The following GPR22 variants were observed in gnomAD, a reference collection of about 807,000 sequenced individuals.
GPR22 encodes G-protein coupled receptor 22.
GPR22 carries 13 observed loss-of-function variants against 31.0 expected under a neutral mutation model. That is an observed-to-expected ratio of 0.42 (90% CI 0.27 to 0.67). The LOEUF is 0.67. GPR22 is among the 30% of genes least tolerant of loss of function. The pLI is 0.25. For missense variants in GPR22, 368 were observed against 509.6 expected (o/e 0.72, Z 2.67); for synonymous variants, 191 against 173.4 (o/e 1.10, Z -0.80).
chr7:107,474,991 G>C lies in GPR22; in HGVS notation c.931G>C (p.Val311Leu). The C allele has an allele frequency of 6.2e-7, 1 of 1,612,574 alleles. No homozygotes were observed. The highest frequency in any genetic ancestry group is 8.5e-7 in the Non-Finnish European group (1 of 1,179,208). The change falls in exon 3 of 3, where the codon GTC becomes CTC. Residue 311 changes from valine (V) to leucine (L), a missense_variant. By Grantham distance (32) the Val-to-Leu change is conservative. Transcript: ENST00000304402. The surrounding 1 kb of genome is among the most constrained non-coding windows in gnomAD (Gnocchi z 5.7). ...TGAACGACGAGAAAGACAAAAGAGA[G>C]TCTTCAGGATGTCTTTATTGATTAT... Reference protein sequence around the residue: ...HRERRERQKRVFRMSLLIIST... With the variant: ...HRERRERQKRLFRMSLLIIST...
chr7:107,473,706 T>C (rs1049780806), intron 2 of GPR22, among the ~76,000 whole-genome samples: 1 of 152,020 alleles, frequency 6.6e-6, no homozygotes, highest in African/African-American at 2.4e-5. Context: ...ATTAATTTTG[T>C]ATGCTAGGAA....
At position 107,474,128 on chromosome 7, in the gene GPR22, T is replaced by C. The variant is rs188712129; in HGVS notation, c.68T>C (p.Ile23Thr). Residue 23 changes from isoleucine (I) to threonine (T), a missense_variant, in exon 3 of 3, where the codon ATT (isoleucine) becomes ACT (threonine). By Grantham distance (89) the Ile-to-Thr change is moderately conservative. Transcript: ENST00000304402. This position sits in a 1 kb window ranked among gnomAD's most constrained non-coding sequence, Gnocchi z 5.7. ...SESNITVRDDIDDINTNMYQP... is the reference protein window; with the variant it reads ...SESNITVRDDTDDINTNMYQP... ...TCTAACATTACAGTGCGAGATGACA[T>C]TGATGACATCAACACCAATATGTAC... 45 of 1,610,188 alleles carry C rather than the reference T, an allele frequency of 2.8e-5. No homozygotes were observed. Among genetic ancestry groups the C allele is most frequent in the East Asian group, 1.6e-4 (7 of 44,832 alleles).
At chr7:107,473,686 C>A (rs934040493) in intron 2 of GPR22, among the ~76,000 whole-genome samples, 2 of 151,948 alleles carry the variant, frequency 1.3e-5, no homozygotes, top group African/African-American at 2.4e-5. Context: ...TTTTAAGACA[C>A]TGGGCTGAAA....
downstream of GPR22, among the ~76,000 whole-genome samples, chr7:107,475,976 A>AT (rs1796953158): frequency 6.6e-6 from 1 of 151,450 alleles, no homozygotes; most frequent in African/African-American, 2.4e-5. Flanking sequence ...AAACCTCTGT[A>AT]TACACACCAA....
chr7:107,474,166 T>C lies in GPR22; in HGVS notation c.106T>C (p.Tyr36His). 1 of 1,611,640 alleles carries C rather than the reference T, an allele frequency of 6.2e-7. No individual in the cohort carries two copies. Among genetic ancestry groups the C allele is most frequent in the Non-Finnish European group, 8.5e-7 (1 of 1,177,964 alleles). The change falls in exon 3 of 3, where the codon TAT (tyrosine) becomes CAT (histidine). Residue 36 changes from tyrosine to histidine, a missense_variant. By Grantham distance (83) the Tyr-to-His change is moderately conservative (BLOSUM62 2). Coordinates refer to ENST00000304402, the MANE Select transcript of GPR22 (RefSeq NM_005295.3). This position sits in a 1 kb window ranked among gnomAD's most constrained non-coding sequence, Gnocchi z 5.7. ...CACCAATATGTACCAACCACTATCA[T>C]ATCCGTTAAGCTTTCAAGTGTCTCT... Reference protein sequence around the residue: ...INTNMYQPLSYPLSFQVSLTG... With the variant: ...INTNMYQPLSHPLSFQVSLTG...
chr7:107,475,293 C>CA lies in GPR22; in HGVS notation c.1240dup (p.Ile414AsnfsTer4). 2 of 1,590,260 alleles carry CA rather than the reference C, an allele frequency of 1.3e-6. No individual in the cohort carries two copies. The highest frequency in any genetic ancestry group is 1.7e-6 in the Non-Finnish European group (2 of 1,169,504). On this transcript the variant is annotated frameshift_variant, in exon 3 of 3. Coordinates refer to ENST00000304402, the MANE Select transcript of GPR22 (RefSeq NM_005295.3). LOFTEE classifies it high-confidence loss of function. ...ACTCTTGGATAGATCCTAAAAGAAA[C>CA]AAAAAAATTACCTTTGAAGATAGTG...
chr7:107,470,875 A>T (rs1286326467), intron 1 of GPR22, among the ~76,000 whole-genome samples: 3 of 151,978 alleles, frequency 2.0e-5, no homozygotes, highest in African/African-American at 7.2e-5. Flanking sequence ...TACCTTTTGT[A>T]TTTCAACCAC....
At chr7:107,476,506 T>C (rs944862819), downstream of GPR22, among the ~76,000 whole-genome samples, 5 of 151,626 alleles carry the variant, frequency 3.3e-5, no homozygotes, top group African/African-American at 1.2e-4. Flanking sequence ...GTACCATCAC[T>C]TAATTTAACT....
rs1261938890 is a variant in GPR22 at position 107,471,906 on chromosome 7, C to T, written c.-423C>T. On this transcript the variant is annotated 5_prime_UTR_variant, in exon 2 of 3. Coordinates refer to ENST00000304402, the MANE Select transcript of GPR22 (RefSeq NM_005295.3). ...GATGGTTTTTATCAAAAGGACATGG[C>T]CTGGATTTATAATATAAAGCAAGTT... 2.0e-5 allele frequency: 3 copies of T among 151,802 alleles called. No individual in the cohort carries two copies. Among genetic ancestry groups the T allele is most frequent in the Admixed American group, 2.0e-4 (3 of 15,216 alleles). The allele number at this position is 151,802 out of a possible 1,614,324, so 9.4% of individuals were successfully genotyped here.
Position 107,475,235 on chromosome 7 carries a change from C to A in GPR22, c.1175C>A (p.Ala392Asp). 1 of 1,609,566 alleles carries A rather than the reference C, an allele frequency of 6.2e-7. No individual in the cohort carries two copies. Among genetic ancestry groups the A allele is most frequent in the East Asian group, 2.2e-5 (1 of 44,824 alleles). The change falls in exon 3 of 3, where the codon GCT (alanine) becomes GAT (aspartate). Residue 392 changes from alanine (A) to aspartate (D), a missense_variant. By Grantham distance (126) the Ala-to-Asp change is moderately radical. Coordinates refer to ENST00000304402, the MANE Select transcript of GPR22 (RefSeq NM_005295.3). Reference sequence around the variant, plus strand: ...AAGCGAGTTGTTTCTATAGTAGAAGCTGATCCCCTGCCTAATAATGCTGTA... The same window carrying A: ...AAGCGAGTTGTTTCTATAGTAGAAGATGATCCCCTGCCTAATAATGCTGTA... ...MKKRVVSIVE[A>D]DPLPNNAVIH... is the part of the protein sequence containing the mutation.
Position 107,474,045 on chromosome 7 carries a change from C to CCTAG in GPR22, c.-16_-15insCTAG. 7.1e-7 allele frequency: 1 copy of CCTAG among 1,413,804 alleles called. No homozygotes were observed. Among genetic ancestry groups the CCTAG allele is most frequent in the Non-Finnish European group, 9.7e-7 (1 of 1,035,124 alleles). The allele number at this position is 1,413,804 out of a possible 1,614,324, so 87.6% of individuals were successfully genotyped here. A position where few individuals can be genotyped will look rare whatever the true frequency, so the allele number is the denominator to read the frequency against. On this transcript the variant is annotated 5_prime_UTR_variant, in exon 3 of 3. Coordinates refer to ENST00000304402, the MANE Select transcript of GPR22 (RefSeq NM_005295.3). The surrounding 1 kb of genome is among the most constrained non-coding windows in gnomAD (Gnocchi z 5.7). Reference sequence around the variant, plus strand: ...TATTTCACTTTCTAGGGAAAAAAACCAACTGCTCCAAAAGAATGTGTTTTT... The same window carrying CCTAG: ...TATTTCACTTTCTAGGGAAAAAAACCCTAGAACTGCTCCAAAAGAATGTGTTTTT...
Position 107,475,618 on chromosome 7 carries a change from TA to T in GPR22, c.*258del, listed in dbSNP as rs1796927559. 3.1e-6 allele frequency: 1 copy of T among 321,294 alleles called. No homozygotes were observed. The highest frequency in any genetic ancestry group is 4.5e-5 in the Admixed American group (1 of 22,154). 19.9% of individuals were successfully genotyped at this position (321,294 alleles called of 1,614,324 possible). A position where few individuals can be genotyped will look rare whatever the true frequency, so the allele number is the denominator to read the frequency against. ...TTATGTCCAACAGAAAATATTCATG[TA>T]AGTCATATTTTTTAAGGAATAAATA... On this transcript the variant is annotated 3_prime_UTR_variant, in exon 3 of 3. Coordinates refer to ENST00000304402, the MANE Select transcript of GPR22 (RefSeq NM_005295.3).
rs2129111761 is a variant in GPR22 at position 107,473,956 on chromosome 7, T to TC, written c.-26-79_-26-78insC. ...TTAAACTAAGTACACAATTGAAAGA[T>TC]TTTTTTTCTTACAAAGAACACGTTA... On this transcript the variant is annotated intron_variant, in intron 2 of 2. Coordinates refer to ENST00000304402, the MANE Select transcript of GPR22 (RefSeq NM_005295.3). The TC allele has an allele frequency of 1.2e-5, 5 of 407,306 alleles. No individual in the cohort carries two copies. The East Asian group carries it at 1.7e-4, about 14-fold the overall frequency. The allele number at this position is 407,306 out of a possible 1,614,324, so 25.2% of individuals were successfully genotyped here.
chr7:107,476,368 C>G (rs1396932482), downstream of GPR22, among the ~76,000 whole-genome samples: 1 of 150,750 alleles, frequency 6.6e-6, no homozygotes, highest in Non-Finnish European at 1.5e-5. Context: ...TAGATACATA[C>G]AACTTTAGGG....
At chr7:107,476,473 A>G (rs191227144), downstream of GPR22, among the ~76,000 whole-genome samples, 3 of 151,738 alleles carry the variant, frequency 2.0e-5, no homozygotes, top group Admixed American at 6.6e-5. Flanking sequence ...TAAGGTAACA[A>G]TAAGTCTTGT....
rs1343000712 is a variant in GPR22 at position 107,472,003 on chromosome 7, A to T, written c.-326A>T. On this transcript the variant is annotated 5_prime_UTR_variant, in exon 2 of 3. An upstream start codon of the reference 5' UTR is lost. Transcript: ENST00000304402. ...ACAGATTTACAATGGTAACAAAAGG[A>T]TGTCTAAATATATTTTAGAAGCTAC... 1 of 152,052 alleles carries T rather than the reference A, an allele frequency of 6.6e-6. No individual in the cohort carries two copies. Among genetic ancestry groups the T allele is most frequent in the East Asian group, 1.9e-4 (1 of 5,188 alleles). The allele number at this position is 152,052 out of a possible 1,614,324, so 9.4% of individuals were successfully genotyped here. A position where few individuals can be genotyped will look rare whatever the true frequency, so the allele number is the denominator to read the frequency against.
Position 107,472,017 on chromosome 7 carries a change from T to C in GPR22, c.-312T>C, listed in dbSNP as rs1300948372. 1 of 152,046 alleles carries C rather than the reference T, an allele frequency of 6.6e-6. No individual in the cohort carries two copies. Among genetic ancestry groups the C allele is most frequent in the East Asian group, 1.9e-4 (1 of 5,198 alleles). The allele number at this position is 152,046 out of a possible 1,614,324, so 9.4% of individuals were successfully genotyped here. On this transcript the variant is annotated 5_prime_UTR_variant, in exon 2 of 3. Transcript: ENST00000304402. ...GTAACAAAAGGATGTCTAAATATAT[T>C]TTAGAAGCTACAAACGTTATGTTTC...
At chr7:107,473,656 C>T (rs1040197306) in intron 2 of GPR22, among the ~76,000 whole-genome samples, 1 of 151,946 alleles carries the variant, frequency 6.6e-6, no homozygotes, top group Non-Finnish European at 1.5e-5. Flanking sequence ...TTGGTACCTA[C>T]TCACAACATT....
chr7:107,473,116 G>A (rs1487010049), intron 2 of GPR22: 1 of 151,084 alleles, frequency 6.6e-6, no homozygotes, highest in Non-Finnish European at 1.5e-5. Context: ...TCAAAAAACG[G>A]GCTTCACATA....
Sources: gnomAD v4.1 joint callset for allele counts (sites outside exome capture counted in the v4.1 genomes callset) on GRCh38, gnomAD v4.1.1 for gene constraint, Gnocchi (gnomAD v3.1) non-coding constraint, MANE v1.5 for transcripts, NCBI Gene and HGNC (gene_info 2026-07-23, HGNC 2026-07-21) for gene names.